The following STRN variants were observed in gnomAD, a reference collection of about 807,000 sequenced individuals.
STRN encodes the protein striatin.
A neutral mutation model predicts 96.3 loss-of-function variants in STRN; 53 were observed. The observed-to-expected ratio is 0.55, with a 90% CI of 0.44 to 0.69. The LOEUF is 0.69. Among genes scored for constraint, STRN ranks in the 30% least tolerant of loss-of-function variants. STRN has a pLI of 0.00. For synonymous variants in STRN, 428 were observed against 355.9 expected (o/e 1.20, Z -2.28); for missense variants, 987 against 963.9 (o/e 1.02, Z -0.32).
intron 1 of STRN, among the ~76,000 whole-genome samples, chr2:36,950,372 C>T (rs1664725206): frequency 6.6e-6 from 1 of 151,988 alleles, no homozygotes; most frequent in African/African-American, 2.4e-5. Context: ...CGCGCCATCA[C>T]GCCCAGCTAA....
chr2:36,877,777 C>T, intron 10 of STRN, 114 bp downstream of exon 10: 2 of 1,167,432 alleles, frequency 1.7e-6, no homozygotes, highest in Non-Finnish European at 2.4e-6. Context: ...CTCAAGTGAT[C>T]CGCCCACCTC....
intron 1 of STRN, among the ~76,000 whole-genome samples, chr2:36,957,746 T>TTC (rs1558669962): frequency 1.6e-4 from 11 of 70,628 alleles, no homozygotes; most frequent in Non-Finnish European, 2.5e-4. Flanking sequence ...CTTTTTGTCT[T>TTC]TTTTTTTTTT....
At chr2:36,856,653 G>C (rs1451643708) in intron 14 of STRN, among the ~76,000 whole-genome samples, 1 of 152,160 alleles carries the variant, frequency 6.6e-6, no homozygotes, top group African/African-American at 2.4e-5. Flanking sequence ...GACTGACTTG[G>C]AAAGACACGA....
intron 6 of STRN, among the ~76,000 whole-genome samples, chr2:36,897,832 T>G (rs1420311478): frequency 6.6e-6 from 1 of 152,058 alleles, no homozygotes; most frequent in Non-Finnish European, 1.5e-5. Flanking sequence ...CAGCCTCCCA[T>G]GCAGTATCAC....
At chr2:36,879,828 A>C (rs898984434) in intron 9 of STRN, among the ~76,000 whole-genome samples, 2 of 152,196 alleles carry the variant, frequency 1.3e-5, no homozygotes, top group Non-Finnish European at 2.9e-5. Flanking sequence ...ATAAATACTC[A>C]TTGAATAAAT....
chr2:36,893,881 C>G lies in STRN; in HGVS notation c.931+17G>C. The G allele has an allele frequency of 6.3e-7, 1 of 1,587,698 alleles. No homozygotes were observed. The highest frequency in any genetic ancestry group is 8.5e-7 in the Non-Finnish European group (1 of 1,172,772). On this transcript the variant is annotated intron_variant, in intron 7 of 17. Transcript: ENST00000263918. ...ATTTACTTAACATCTCTGGTTGGAT[C>G]CAGTATGCTTCCTTACCCCAGTCTG...
intron 15 of STRN, among the ~76,000 whole-genome samples, chr2:36,852,067 A>T (rs996148706): frequency 3.3e-5 from 5 of 152,228 alleles, no homozygotes; most frequent in African/African-American, 1.2e-4. Context: ...ACTCCTCCAC[A>T]ATCAGGTGAC....
At chr2:36,898,641 A>G (rs1001355737) in intron 6 of STRN, among the ~76,000 whole-genome samples, 7 of 152,338 alleles carry the variant, frequency 4.6e-5, no homozygotes, top group African/African-American at 1.7e-4. Flanking sequence ...AACAATCCTC[A>G]TTTTACAAAT....
chr2:36,895,267 C>T (rs1669508622), intron 6 of STRN, among the ~76,000 whole-genome samples: 1 of 151,334 alleles, frequency 6.6e-6, no homozygotes, highest in African/African-American at 2.4e-5. Flanking sequence ...GCAGAGCTTG[C>T]AGTGAGCCAA....
At chr2:36,917,165 A>C (rs141924686) in intron 2 of STRN, among the ~76,000 whole-genome samples, 154 of 152,134 alleles carry the variant, frequency 1.0e-3, no homozygotes, top group Admixed American at 4.1e-3. Context: ...GCCAAATTTG[A>C]AAGTTTTTTT....
intron 1 of STRN, 144 bp downstream of exon 1, chr2:36,966,086 A>G: frequency 1.1e-6 from 1 of 916,928 alleles, no homozygotes; most frequent in African/African-American, 1.9e-5. Flanking sequence ...CGAAGAGAAG[A>G]AGGGGACGGG....
chr2:36,938,944 A>G (rs1299217425), intron 1 of STRN, among the ~76,000 whole-genome samples: 1 of 151,912 alleles, frequency 6.6e-6, no homozygotes, highest in Admixed American at 6.6e-5. Flanking sequence ...CAATAGCACA[A>G]ACCTTCATTT....
Position 36,844,780 on chromosome 2 carries a change from A to G in STRN, c.*4676T>C, listed in dbSNP as rs537016955. On this transcript the variant is annotated 3_prime_UTR_variant, in exon 18 of 18. Transcript: ENST00000263918. ...ATGAAGATCCAGTTGGATGATGGAT[A>G]TTGCCAATTAAAAAGTTTGTAGTGG... The G allele has an allele frequency of 1.3e-5, 2 of 152,306 alleles. No homozygotes were observed. Among genetic ancestry groups the G allele is most frequent in the East Asian group, 3.9e-4 (2 of 5,190 alleles). 9.4% of individuals were successfully genotyped at this position (152,306 alleles called of 1,614,324 possible).
intron 10 of STRN, 32 bp from the exon 11 acceptor site, chr2:36,869,761 CACTT>C (rs375504928): frequency 5.3e-6 from 8 of 1,519,752 alleles, no homozygotes; most frequent in African/African-American, 1.4e-5. Flanking sequence ...GATATCTACA[CACTT>C]AGTTAAGGAT....
intron 1 of STRN, among the ~76,000 whole-genome samples, chr2:36,962,524 C>T (rs1160940897): frequency 1.3e-5 from 2 of 150,564 alleles, no homozygotes; most frequent in African/African-American, 4.9e-5. Flanking sequence ...TTCTCTCCTT[C>T]ACTATTCTTT....
intron 1 of STRN, among the ~76,000 whole-genome samples, chr2:36,954,541 C>T (rs894104913): frequency 6.7e-6 from 1 of 149,342 alleles, no homozygotes; most frequent in African/African-American, 2.5e-5. Flanking sequence ...AAAAAAAGAG[C>T]TCCAAATTTG....
At chr2:36,874,717 TAA>T (rs35268065) in intron 10 of STRN, among the ~76,000 whole-genome samples, 61 of 86,286 alleles carry the variant, frequency 7.1e-4, no homozygotes, top group Middle Eastern at 7.1e-3. Context: ...TGTTTAGAGT[TAA>T]AAAAAAAAAA....
chr2:36,853,528 A>T (rs1366506343), intron 15 of STRN, among the ~76,000 whole-genome samples: 2 of 152,210 alleles, frequency 1.3e-5, no homozygotes, highest in African/African-American at 4.8e-5. Flanking sequence ...CTTGATGATA[A>T]ATCAGAGAAG....
At chr2:36,962,737 G>C (rs760998483) in intron 1 of STRN, among the ~76,000 whole-genome samples, 1 of 152,100 alleles carries the variant, frequency 6.6e-6, no homozygotes, top group Non-Finnish European at 1.5e-5. Flanking sequence ...TCGATATCTT[G>C]ACCTCACGAT....
Sources: gnomAD v4.1 joint callset for allele counts (sites outside exome capture counted in the v4.1 genomes callset) on GRCh38, gnomAD v4.1.1 for gene constraint, MANE v1.5 for transcripts, NCBI Gene and HGNC (gene_info 2026-07-23, HGNC 2026-07-21) for gene names.